Variants in ARMC2 observed in about 807,000 individuals in gnomAD.
ARMC2 encodes armadillo repeat-containing protein 2.
ARMC2 carries 67 observed loss-of-function variants against 90.3 expected under a neutral mutation model. The observed-to-expected ratio is 0.74, with a 90% CI of 0.61 to 0.91. The LOEUF is 0.91. Ranked by LOEUF, ARMC2 falls within the 40% of genes least tolerant of loss-of-function variation. The probability of loss-of-function intolerance (pLI) is 0.00; values close to 1 mark genes in which losing one functional copy is unlikely to be tolerated. For synonymous variants in ARMC2, 393 were observed against 393.0 expected (o/e 1.00, Z 0.00); for missense variants, 920 against 1,030.9 (o/e 0.89, Z 1.47).
At chr6:109,022,306 T>A in the ARMC2 span, among the ~76,000 whole-genome samples, 1 of 152,126 alleles carries the variant, frequency 6.6e-6, no homozygotes, top group Non-Finnish European at 1.5e-5. Context: ...ACTCAGATTT[T>A]TAATCTAAGA....
At chr6:108,910,261 C>T (rs1223369302) in intron 8 of ARMC2, among the ~76,000 whole-genome samples, 3 of 152,038 alleles carry the variant, frequency 2.0e-5, no homozygotes, top group Admixed American at 6.6e-5. Flanking sequence ...CCTGCTAGTT[C>T]GAGACCAGCC....
intron 6 of ARMC2, among the ~76,000 whole-genome samples, chr6:108,896,951 T>G (rs551590187): frequency 6.6e-6 from 1 of 152,334 alleles, no homozygotes; most frequent in Non-Finnish European, 1.5e-5. Context: ...AATGTTGATT[T>G]TATTTTATTT....
At chr6:108,980,622 C>A in the ARMC2 span, among the ~76,000 whole-genome samples, 47 of 152,272 alleles carry the variant, frequency 3.1e-4, no homozygotes, top group African/African-American at 1.1e-3. Flanking sequence ...CCCCCATGTG[C>A]TCTGTCCCAG....
chr6:108,849,538 A>T (rs915981869), intron 1 of ARMC2, among the ~76,000 whole-genome samples: 1 of 152,254 alleles, frequency 6.6e-6, no homozygotes, highest in Non-Finnish European at 1.5e-5. Flanking sequence ...ATAATAAAAA[A>T]AAACTTATGT....
At position 108,858,224 on chromosome 6, in the gene ARMC2, T is replaced by TG; in HGVS notation, c.244_245insG (p.Ser82CysfsTer2). The TG allele has an allele frequency of 6.2e-7, 1 of 1,611,456 alleles. No homozygotes were observed. Among genetic ancestry groups the TG allele is most frequent in the Admixed American group, 1.7e-5 (1 of 59,966 alleles). The stretch of plus-strand genomic sequence containing the variant: ...CCTCCATGCATCCAGTTTTGAGTCA[T>TG]CTGATTCCAGGCCTATCTCTGGCAC... On this transcript the variant is annotated frameshift_variant, in exon 3 of 18. Coordinates refer to ENST00000392644, the MANE Select transcript of ARMC2 (RefSeq NM_032131.6). LOFTEE classifies it high-confidence loss of function.
At chr6:109,037,100 A>T in the ARMC2 span, among the ~76,000 whole-genome samples, 1 of 152,184 alleles carries the variant, frequency 6.6e-6, no homozygotes, top group Non-Finnish European at 1.5e-5. Flanking sequence ...AAAACTTTCT[A>T]AGTAGTAAAG....
intron 15 of ARMC2, among the ~76,000 whole-genome samples, chr6:108,963,331 A>T (rs1562434911): frequency 6.6e-6 from 1 of 152,212 alleles, no homozygotes; most frequent in African/African-American, 2.4e-5. Flanking sequence ...AAATTTCAAT[A>T]ATACAGATAC....
chr6:108,848,928 G>T (rs534859729), intron 1 of ARMC2: 4 of 152,344 alleles, frequency 2.6e-5, no homozygotes, highest in African/African-American at 7.2e-5. Context: ...GCTGTCAGGG[G>T]TCCGGAGCGG....
intron 8 of ARMC2, among the ~76,000 whole-genome samples, chr6:108,909,695 C>G (rs1773210260): frequency 6.6e-6 from 1 of 152,248 alleles, no homozygotes; most frequent in African/African-American, 2.4e-5. Flanking sequence ...GCCACCACAC[C>G]CAGCTAATTT....
chr6:108,900,921 G>A (rs531410655), intron 7 of ARMC2, among the ~76,000 whole-genome samples: 6 of 151,868 alleles, frequency 4.0e-5, no homozygotes, highest in Non-Finnish European at 5.9e-5. Context: ...TCATCTTAGC[G>A]TGCCACGTTA....
At chr6:108,998,857 C>T in the ARMC2 span, 1 of 1,322,922 alleles carries the variant, frequency 7.6e-7, no homozygotes, top group Non-Finnish European at 1.0e-6. Flanking sequence ...AGTCATCATA[C>T]AAAGCCTAGC....
intron 17 of ARMC2, among the ~76,000 whole-genome samples, chr6:108,970,739 C>G (rs990735488): frequency 1.3e-5 from 2 of 151,514 alleles, no homozygotes; most frequent in African/African-American, 4.8e-5. Context: ...CTCAGGTGAT[C>G]CACCTGCCTC....
chr6:108,998,324 G>T, the ARMC2 span, among the ~76,000 whole-genome samples: 2 of 152,092 alleles, frequency 1.3e-5, no homozygotes, highest in Non-Finnish European at 2.9e-5. Context: ...GTAAAATGTT[G>T]TATATCACCT....
the ARMC2 span, among the ~76,000 whole-genome samples, chr6:109,044,311 C>CAAAA: frequency 3.5e-4 from 10 of 28,458 alleles, 2 homozygotes; most frequent in East Asian, 2.6e-3. Context: ...GAACTTGCCT[C>CAAAA]AAAAAAAAAA....
the ARMC2 span, among the ~76,000 whole-genome samples, chr6:108,984,101 A>T: frequency 6.6e-6 from 1 of 152,152 alleles, no homozygotes; most frequent in Non-Finnish European, 1.5e-5. Flanking sequence ...TCCTTGTAAG[A>T]ATCTAATACC....
intron 4 of ARMC2, among the ~76,000 whole-genome samples, chr6:108,871,878 AC>A (rs955151413): frequency 7.2e-5 from 11 of 152,128 alleles, no homozygotes; most frequent in African/African-American, 2.7e-4. Context: ...GTTTGCAGTC[AC>A]CCCTCTTCAC....
the ARMC2 span, among the ~76,000 whole-genome samples, chr6:109,003,323 C>G: frequency 2.1e-4 from 30 of 145,782 alleles, no homozygotes. Flanking sequence ...TTTTAAAGTT[C>G]TTCATGATAT....
chr6:108,916,472 G>A (rs1253392199), intron 10 of ARMC2, among the ~76,000 whole-genome samples: 7 of 152,226 alleles, frequency 4.6e-5, no homozygotes, highest in Non-Finnish European at 8.8e-5. Flanking sequence ...AAGTCAAAGC[G>A]TGAATAGCCC....
chr6:109,048,143 C>A, the ARMC2 span, among the ~76,000 whole-genome samples: 9 of 151,880 alleles, frequency 5.9e-5, no homozygotes, highest in Middle Eastern at 3.4e-3. Context: ...TTGCTGTCAA[C>A]ATTCACTGAA....
Sources: gnomAD v4.1 joint callset for allele counts (sites outside exome capture counted in the v4.1 genomes callset) on GRCh38, gnomAD v4.1.1 for gene constraint, MANE v1.5 for transcripts, NCBI Gene and HGNC (gene_info 2026-07-23, HGNC 2026-07-21) for gene names.